Variants in DCLK2 observed in about 807,000 individuals in gnomAD.
The protein encoded by DCLK2 is serine/threonine-protein kinase DCLK2.
Under a neutral mutation model 78.4 loss-of-function variants are expected in DCLK2, and 31 were observed. The ratio of observed to expected loss-of-function variants is 0.40; its 90% confidence interval spans 0.30 to 0.53. The LOEUF (loss-of-function observed/expected upper bound fraction) is 0.53, where lower values mean the gene tolerates loss of function less well. DCLK2 is among the 20% of genes least tolerant of loss of function. The probability of loss-of-function intolerance (pLI) is 0.61; values close to 1 mark genes in which losing one functional copy is unlikely to be tolerated. For missense variants in DCLK2, 872 were observed against 973.7 expected (o/e 0.90, Z 1.39); for synonymous variants, 407 against 374.9 (o/e 1.09, Z -0.99).
chr4:150,188,343 C>T (rs745753348), intron 2 of DCLK2, among the ~76,000 whole-genome samples: 2 of 152,034 alleles, frequency 1.3e-5, no homozygotes, highest in Non-Finnish European at 2.9e-5. Context: ...AGTGTGGTGC[C>T]GCATGCCTGT....
chr4:150,180,589 C>G (rs377511179), intron 2 of DCLK2, among the ~76,000 whole-genome samples: 8 of 152,246 alleles, frequency 5.3e-5, no homozygotes, highest in Middle Eastern at 3.4e-3. Flanking sequence ...TAGGTTTCTT[C>G]TGACTTCTTC....
At chr4:150,253,331 C>G (rs903105712) in intron 15 of DCLK2, 1 of 812,500 alleles carries the variant, frequency 1.2e-6, no homozygotes, top group Non-Finnish European at 1.9e-6. Context: ...ACAGACAGGA[C>G]CTTCCCATCT....
chr4:150,090,148 G>GT (rs1398093461), intron 1 of DCLK2, among the ~76,000 whole-genome samples: 1 of 118,598 alleles, frequency 8.4e-6, no homozygotes, highest in Non-Finnish European at 2.0e-5. Context: ...GCTCATGCCT[G>GT]TAATCCCAGC....
intron 8 of DCLK2, among the ~76,000 whole-genome samples, chr4:150,232,060 A>T (rs999257785): frequency 6.6e-6 from 1 of 152,226 alleles, no homozygotes; most frequent in Non-Finnish European, 1.5e-5. Flanking sequence ...AATAATGACA[A>T]GCGAGAAGAC....
At chr4:150,098,372 G>C (rs890557495) in intron 1 of DCLK2, among the ~76,000 whole-genome samples, 3 of 152,144 alleles carry the variant, frequency 2.0e-5, no homozygotes, top group Non-Finnish European at 2.9e-5. Context: ...TCTAACAGAA[G>C]AACAAAATGG....
intron 2 of DCLK2, among the ~76,000 whole-genome samples, chr4:150,151,652 C>T (rs913016181): frequency 5.3e-5 from 8 of 152,038 alleles, no homozygotes; most frequent in Non-Finnish European, 1.2e-4. Context: ...GGGCCGGGTG[C>T]GGTGGCTCAT....
intron 2 of DCLK2, among the ~76,000 whole-genome samples, chr4:150,159,164 A>G (rs1174957642): frequency 1.3e-5 from 2 of 152,192 alleles, no homozygotes; most frequent in Non-Finnish European, 2.9e-5. Flanking sequence ...CCGGAAGGAC[A>G]GACACCACAT....
chr4:150,079,473 C>T, intron 1 of DCLK2, 25 bp downstream of exon 1: 1 of 1,448,832 alleles, frequency 6.9e-7, no homozygotes, highest in Non-Finnish European at 9.1e-7. Flanking sequence ...CGCCGCACGG[C>T]AGGTGCGGCG....
At chr4:150,195,796 T>C (rs1738989697) in intron 3 of DCLK2, among the ~76,000 whole-genome samples, 1 of 151,786 alleles carries the variant, frequency 6.6e-6, no homozygotes, top group African/African-American at 2.4e-5. Flanking sequence ...TATTGATTTA[T>C]TCCTTCTTGA....
intron 10 of DCLK2, among the ~76,000 whole-genome samples, chr4:150,239,110 C>G (rs1480717907): frequency 6.6e-6 from 1 of 152,138 alleles, no homozygotes; most frequent in Non-Finnish European, 1.5e-5. Flanking sequence ...AGGCCTCTCT[C>G]ACGCCTATCA....
At chr4:150,234,232 C>G (rs186223607) in intron 10 of DCLK2, among the ~76,000 whole-genome samples, 10 of 152,330 alleles carry the variant, frequency 6.6e-5, no homozygotes, top group South Asian at 4.1e-4. Flanking sequence ...TAACATCACT[C>G]TAGACTTTCT....
At chr4:150,108,246 C>A (rs192362650) in intron 2 of DCLK2, among the ~76,000 whole-genome samples, 26 of 152,024 alleles carry the variant, frequency 1.7e-4, no homozygotes, top group African/African-American at 5.8e-4. Flanking sequence ...CAGTGGCTCA[C>A]GCCTGTAATC....
At chr4:150,231,728 G>A (rs559375631) in intron 8 of DCLK2, among the ~76,000 whole-genome samples, 58 of 152,190 alleles carry the variant, frequency 3.8e-4, no homozygotes, top group Non-Finnish European at 7.2e-4. Context: ...GGTCCCCGTG[G>A]TTCTGTATGT....
At chr4:150,148,605 A>G (rs1452309668) in intron 2 of DCLK2, among the ~76,000 whole-genome samples, 2 of 152,124 alleles carry the variant, frequency 1.3e-5, no homozygotes. Flanking sequence ...AACAGTAAGT[A>G]CACTTTGATT....
At chr4:150,113,693 C>T (rs1731862063) in intron 2 of DCLK2, among the ~76,000 whole-genome samples, 1 of 128,168 alleles carries the variant, frequency 7.8e-6, no homozygotes, top group African/African-American at 2.9e-5. Context: ...TGCAAAGAAC[C>T]AACCTTTTTT....
chr4:150,219,873 C>T lies in DCLK2; in HGVS notation c.1057-830C>T, dbSNP rs368750718. On this transcript the variant is annotated intron_variant, in intron 5 of 15. Transcript: ENST00000296550. ...AGTAGGTAGGGGGACAGATCATGGC[C>T]CGAATGCCATGCTGAAGATTTTGGA... Among the ~76,000 whole-genome samples the T allele has an allele frequency of 2.2e-4, 34 of 152,254 alleles. 1 individual carries two copies. Among genetic ancestry groups the T allele is most frequent in the Middle Eastern group, 3.4e-3 (1 of 294 alleles).
intron 15 of DCLK2, among the ~76,000 whole-genome samples, chr4:150,250,915 A>AC (rs1743785073): frequency 3.6e-5 from 1 of 27,824 alleles, no homozygotes; most frequent in Non-Finnish European, 8.1e-5. Flanking sequence ...ACATCCCCAC[A>AC]CACCACAAAT....
chr4:150,217,941 T>C (rs927859862), intron 5 of DCLK2, among the ~76,000 whole-genome samples: 1 of 152,228 alleles, frequency 6.6e-6, no homozygotes, highest in Non-Finnish European at 1.5e-5. Context: ...CTTGCCCTTA[T>C]TGTTTGCTAA....
chr4:150,088,427 TC>T (rs1560760547), intron 1 of DCLK2, among the ~76,000 whole-genome samples: 8 of 151,930 alleles, frequency 5.3e-5, no homozygotes, highest in African/African-American at 1.9e-4. Flanking sequence ...TCTTTTTTTT[TC>T]TGCTTATATA....
Sources: allele counts gnomAD v4.1 joint callset (sites outside exome capture counted in the v4.1 genomes callset), GRCh38; gene constraint gnomAD v4.1.1; transcripts MANE v1.5; gene names NCBI Gene and HGNC (gene_info 2026-07-23, HGNC 2026-07-21).